The following NIPBL variants were observed in gnomAD, a reference collection of about 807,000 sequenced individuals.
NIPBL encodes nipped-B-like protein.
Under a neutral mutation model 321.8 loss-of-function variants are expected in NIPBL, and 19 were observed. The observed-to-expected ratio is 0.06, with a 90% CI of 0.04 to 0.09. NIPBL has a LOEUF of 0.09. NIPBL is among the 10% of genes least tolerant of loss of function. The probability of loss-of-function intolerance (pLI) is 1.00; values close to 1 mark genes in which losing one functional copy is unlikely to be tolerated. For synonymous variants in NIPBL, 1,106 were observed against 1,114.1 expected (o/e 0.99, Z 0.14); for missense variants, 2,210 against 3,327.0 (o/e 0.66, Z 8.26).
intron 1 of NIPBL, among the ~76,000 whole-genome samples, chr5:36,888,501 T>C (rs1280027530): frequency 2.0e-5 from 3 of 152,154 alleles, no homozygotes; most frequent in East Asian, 1.9e-4. Flanking sequence ...GGAAGGACTT[T>C]TGAATTGACT....
intron 30 of NIPBL, 110 bp downstream of exon 30, chr5:37,024,829 GT>G: frequency 1.2e-6 from 1 of 805,518 alleles, no homozygotes; most frequent in Non-Finnish European, 1.9e-6. Flanking sequence ...ACAATGAATC[GT>G]TTATAGTTTA....
intron 1 of NIPBL, among the ~76,000 whole-genome samples, chr5:36,887,582 G>T (rs1274408562): frequency 6.6e-6 from 1 of 152,004 alleles, no homozygotes; most frequent in Non-Finnish European, 1.5e-5. Flanking sequence ...TTATGTCTTT[G>T]ACCTCCCATT....
intron 11 of NIPBL, among the ~76,000 whole-genome samples, chr5:36,997,280 GATTTCAAATGAC>G (rs1239518764): frequency 2.0e-5 from 3 of 152,108 alleles, no homozygotes; most frequent in African/African-American, 7.2e-5. Context: ...ATTCCAGTTT[GATTTCAAATGAC>G]ATTTCAAATC....
chr5:36,886,489 A>G, intron 1 of NIPBL: 1 of 760,050 alleles, frequency 1.3e-6, no homozygotes, highest in Non-Finnish European at 2.4e-6. Flanking sequence ...CAAAGTTCTG[A>G]GACATTAAGT....
chr5:36,938,649 C>T (rs1008929606), intron 1 of NIPBL, among the ~76,000 whole-genome samples: 8 of 152,122 alleles, frequency 5.3e-5, no homozygotes. Flanking sequence ...GAACTAGGTA[C>T]TGTCCAGAAT....
At position 37,020,498 on chromosome 5, in the gene NIPBL, A is replaced by G; in HGVS notation, c.5050A>G (p.Thr1684Ala). Reference protein sequence around the residue: ...KFYIAQWFRDTTLETEKAMKS... With the variant: ...KFYIAQWFRDATLETEKAMKS... ...CTATATAGCCCAGTGGTTTCGAGAC[A>G]CAACTCTGGAAACAGAAAAAGCAAT... Residue 1684 changes from threonine (T) to alanine (A), a missense_variant, in exon 26 of 47, where the codon ACA (threonine) becomes GCA (alanine). This residue lies in a region of NIPBL where 138 missense variants were observed against 175.8 expected (regional missense o/e 0.79). Coordinates refer to ENST00000282516, the MANE Select transcript of NIPBL (RefSeq NM_133433.4). 8 of 1,613,936 alleles carry G rather than the reference A, an allele frequency of 5.0e-6. No homozygotes were observed. Among genetic ancestry groups the G allele is most frequent in the Non-Finnish European group, 6.8e-6 (8 of 1,179,830 alleles).
intron 9 of NIPBL, among the ~76,000 whole-genome samples, chr5:36,978,047 A>G (rs1018434013): frequency 6.6e-6 from 1 of 152,032 alleles, no homozygotes; most frequent in Non-Finnish European, 1.5e-5. Flanking sequence ...TGCTATTGTA[A>G]ATAGTGCTGT....
At chr5:36,952,047 TGTGTGTGCGCGCGCGCGC>T (rs1419458923) in intron 1 of NIPBL, among the ~76,000 whole-genome samples, 1 of 115,986 alleles carries the variant, frequency 8.6e-6, no homozygotes, top group Non-Finnish European at 1.9e-5. Context: ...TGTGTGTGTG[TGTGTGTGCGCGCGCGCGC>T]GCGCGCGCAT....
At chr5:37,020,347 TTAAAG>T in intron 25 of NIPBL, 107 bp from the exon 26 acceptor site, 4 of 772,858 alleles carry the variant, frequency 5.2e-6, no homozygotes, top group South Asian at 4.8e-5. Flanking sequence ...GGAAGTTGTT[TTAAAG>T]TAAACTTTAA....
chr5:36,923,779 C>T (rs1426753159), intron 1 of NIPBL, among the ~76,000 whole-genome samples: 1 of 152,154 alleles, frequency 6.6e-6, no homozygotes, highest in African/African-American at 2.4e-5. Context: ...GCCCAATCAA[C>T]ACCCTGAGGC....
chr5:37,000,860 A>G lies in NIPBL; in HGVS notation c.3546A>G (p.Lys1182=). 1.2e-6 allele frequency: 2 copies of G among 1,612,464 alleles called. No individual in the cohort carries two copies. The highest frequency in any genetic ancestry group is 1.1e-5 in the South Asian group (1 of 91,032). The part of the protein sequence containing the change: ...MKKKEKQKKR[K]AYEPKLTPEE... ...AAAAAGAAAAACAGAAGAAAAGGAA[A>G]GCATATGAACCAAAACTAACACCTG... Residue 1182 remains lysine (K), a synonymous_variant, in exon 13 of 47, where the codon AAA becomes AAG. Transcript: ENST00000282516.
chr5:37,009,433 A>G (rs902376693), intron 20 of NIPBL, among the ~76,000 whole-genome samples: 2 of 152,206 alleles, frequency 1.3e-5, no homozygotes, highest in Admixed American at 6.5e-5. Context: ...TTGACGTGGC[A>G]TATAGGATTG....
chr5:37,001,325 C>G (rs1343471017), intron 14 of NIPBL, among the ~76,000 whole-genome samples: 1 of 152,096 alleles, frequency 6.6e-6, no homozygotes, highest in Non-Finnish European at 1.5e-5. Context: ...CTAGAGGATA[C>G]AGAGGCATAC....
chr5:37,046,082 C>A, intron 37 of NIPBL, 27 bp from the exon 38 acceptor site: 1 of 1,127,270 alleles, frequency 8.9e-7, no homozygotes, highest in Non-Finnish European at 1.4e-6. Flanking sequence ...TGTTCATGAA[C>A]ACTTTAATGT....
intron 1 of NIPBL, among the ~76,000 whole-genome samples, chr5:36,914,433 A>G (rs1468393560): frequency 6.6e-6 from 1 of 152,164 alleles, no homozygotes; most frequent in Non-Finnish European, 1.5e-5. Flanking sequence ...AAAATCCAAA[A>G]CTTTTTGAGT....
rs372375577 is a variant in NIPBL, at chr5:37,052,003, A to G, written c.7062+117A>G. ...GAATAAAATGTCTTACTTAGTACCTATCTTCTAAACATGCAACTAAGTTAG... is the reference window on the plus strand; with the variant it reads ...GAATAAAATGTCTTACTTAGTACCTGTCTTCTAAACATGCAACTAAGTTAG... On this transcript the variant is annotated intron_variant, in intron 41 of 46. Transcript: ENST00000282516. The G allele has an allele frequency of 1.6e-4, 125 of 793,016 alleles. 1 individual carries two copies. The East Asian group carries it at 1.8e-3, about 11-fold the overall frequency. The allele number at this position is 793,016 out of a possible 1,614,324, so 49.1% of individuals were successfully genotyped here.
chr5:36,884,753 T>A (rs1329474704), intron 1 of NIPBL, among the ~76,000 whole-genome samples: 2 of 152,206 alleles, frequency 1.3e-5, no homozygotes, highest in Non-Finnish European at 2.9e-5. Context: ...AATCTAAGAT[T>A]AGTGAATGGC....
chr5:37,055,836 T>G (rs994970473), intron 42 of NIPBL, among the ~76,000 whole-genome samples: 1 of 151,516 alleles, frequency 6.6e-6, no homozygotes, highest in Non-Finnish European at 1.5e-5. Flanking sequence ...TGAGACCCTA[T>G]CTCTACAAAA....
At chr5:36,888,340 T>A (rs1746070546) in intron 1 of NIPBL, among the ~76,000 whole-genome samples, 1 of 152,168 alleles carries the variant, frequency 6.6e-6, no homozygotes, top group Non-Finnish European at 1.5e-5. Flanking sequence ...GCTGGAAGAC[T>A]TGAACTCATT....
Sources: gnomAD v4.1 joint callset for allele counts (sites outside exome capture counted in the v4.1 genomes callset) on GRCh38, gnomAD v4.1.1 for gene constraint, gnomAD v4.1.1 regional missense constraint, MANE v1.5 for transcripts, NCBI Gene and HGNC (gene_info 2026-07-23, HGNC 2026-07-21) for gene names.